The following RANBP2 variants were observed in gnomAD, a reference collection of about 807,000 sequenced individuals.
RANBP2 encodes the protein E3 SUMO-protein ligase RanBP2.
RANBP2 carries 57 observed loss-of-function variants against 303.6 expected under a neutral mutation model. The observed-to-expected ratio is 0.19, with a 90% CI of 0.15 to 0.23. The LOEUF (loss-of-function observed/expected upper bound fraction) is 0.23. Ranked by LOEUF, RANBP2 falls within the 10% of genes least tolerant of loss-of-function variation. The pLI, the probability that RANBP2 is intolerant of heterozygous loss-of-function variation, is 1.00. For missense variants in RANBP2, 3,138 were observed against 3,780.8 expected (o/e 0.83, Z 4.46); for synonymous variants, 1,167 against 1,301.5 (o/e 0.90, Z 2.23).
the RANBP2 span, among the ~76,000 whole-genome samples, chr2:109,250,394 G>A: frequency 2.6e-5 from 4 of 151,948 alleles, no homozygotes; most frequent in Non-Finnish European, 4.4e-5. Context: ...ATGTAAGCTT[G>A]TATTATATAC....
the RANBP2 span, among the ~76,000 whole-genome samples, chr2:108,867,737 T>C: frequency 4.7e-4 from 71 of 152,354 alleles, 2 homozygotes; most frequent in East Asian, 0.013. Context: ...AATATTTCTT[T>C]AGCCTTATCC....
At chr2:109,550,231 G>A in the RANBP2 span, among the ~76,000 whole-genome samples, 11 of 151,444 alleles carry the variant, frequency 7.3e-5, no homozygotes, top group East Asian at 2.0e-4. Flanking sequence ...CCAAGGTTGC[G>A]GTAAGCTGAG....
chr2:109,337,075 G>A, the RANBP2 span, among the ~76,000 whole-genome samples: 5 of 152,218 alleles, frequency 3.3e-5, no homozygotes, highest in Admixed American at 6.5e-5. Flanking sequence ...ACCGTATTTA[G>A]TATCCTAAAT....
chr2:109,461,835 C>T, the RANBP2 span, among the ~76,000 whole-genome samples: 18 of 152,208 alleles, frequency 1.2e-4, no homozygotes, highest in African/African-American at 3.9e-4. Context: ...CTAGGTCCTA[C>T]TCAAAACTAT....
chr2:109,162,426 T>A, the RANBP2 span, among the ~76,000 whole-genome samples: 2 of 152,336 alleles, frequency 1.3e-5, no homozygotes, highest in South Asian at 2.1e-4. Context: ...TAATTTTTTT[T>A]ATTATACTTT....
chr2:109,256,316 C>T, the RANBP2 span, among the ~76,000 whole-genome samples: 9 of 152,160 alleles, frequency 5.9e-5, no homozygotes, highest in Non-Finnish European at 1.2e-4. Context: ...GACGCTGTGA[C>T]GTAGTCCTGG....
chr2:109,355,542 G>A, the RANBP2 span, among the ~76,000 whole-genome samples: 2 of 152,214 alleles, frequency 1.3e-5, no homozygotes, highest in African/African-American at 4.8e-5. Flanking sequence ...ATAGTCTCTG[G>A]CTCTTTCTAG....
intron 25 of RANBP2, among the ~76,000 whole-genome samples, chr2:108,780,359 A>ATTTTTT (rs869269194): frequency 2.2e-4 from 25 of 111,726 alleles, no homozygotes; most frequent in Middle Eastern, 0.011. Flanking sequence ...CGCCCGGCTA[A>ATTTTTT]TTTTTTTTTT....
chr2:109,503,404 C>T, the RANBP2 span: 9 of 152,258 alleles, frequency 5.9e-5, no homozygotes, highest in African/African-American at 1.9e-4. Context: ...CTACTTGTTA[C>T]TTCCAGGTGG....
chr2:108,957,326 G>C, the RANBP2 span, among the ~76,000 whole-genome samples: 1 of 152,226 alleles, frequency 6.6e-6, no homozygotes, highest in African/African-American at 2.4e-5. Flanking sequence ...AGATGACCCT[G>C]TTTGAACTCT....
chr2:109,013,312 G>A, the RANBP2 span, among the ~76,000 whole-genome samples: 1 of 152,206 alleles, frequency 6.6e-6, no homozygotes, highest in African/African-American at 2.4e-5. Context: ...CCAAAGTGAG[G>A]TCAAGTTCAC....
chr2:109,506,172 C>T, the RANBP2 span, among the ~76,000 whole-genome samples: 7 of 152,132 alleles, frequency 4.6e-5, no homozygotes, highest in South Asian at 2.1e-4. Flanking sequence ...CCTCATTAGC[C>T]GCCAGTGAGC....
At chr2:108,979,399 C>T in the RANBP2 span, among the ~76,000 whole-genome samples, 1 of 152,024 alleles carries the variant, frequency 6.6e-6, no homozygotes, top group Non-Finnish European at 1.5e-5. Flanking sequence ...CTGGTCCAAG[C>T]CCCATCCCAA....
the RANBP2 span, among the ~76,000 whole-genome samples, chr2:108,885,916 C>G: frequency 6.6e-6 from 1 of 152,126 alleles, no homozygotes; most frequent in Non-Finnish European, 1.5e-5. Flanking sequence ...CTGGTTTTAT[C>G]CATGTTGCTG....
the RANBP2 span, among the ~76,000 whole-genome samples, chr2:109,671,965 C>T: frequency 1.3e-5 from 2 of 151,742 alleles, no homozygotes; most frequent in Admixed American, 6.6e-5. Flanking sequence ...CCTCTTCATT[C>T]GCTTATGCTC....
chr2:109,488,102 G>C, the RANBP2 span, among the ~76,000 whole-genome samples: 1 of 152,210 alleles, frequency 6.6e-6, no homozygotes, highest in African/African-American at 2.4e-5. Flanking sequence ...CAGCCCCAGA[G>C]CCTGCAGAGT....
chr2:108,896,811 C>G, the RANBP2 span: 1 of 1,252,484 alleles, frequency 8.0e-7, no homozygotes, highest in South Asian at 1.4e-5. Flanking sequence ...ATCACAAAAG[C>G]CTTGATTCTT....
chr2:109,355,026 T>A, the RANBP2 span, among the ~76,000 whole-genome samples: 1 of 152,228 alleles, frequency 6.6e-6, no homozygotes, highest in African/African-American at 2.4e-5. Flanking sequence ...CACTTTATGT[T>A]CACAGCTCAG....
the RANBP2 span, among the ~76,000 whole-genome samples, chr2:108,826,677 CAA>C: frequency 2.6e-5 from 4 of 152,102 alleles, no homozygotes; most frequent in African/African-American, 9.7e-5. Flanking sequence ...ATTTTGAAAA[CAA>C]AGTGTGAATC....
Sources: allele counts gnomAD v4.1 joint callset (sites outside exome capture counted in the v4.1 genomes callset), GRCh38; gene constraint gnomAD v4.1.1; transcripts MANE v1.5; gene names NCBI Gene and HGNC (gene_info 2026-07-23, HGNC 2026-07-21).